ITGB7: variants seen among roughly 807,000 people sequenced by gnomAD.
The protein encoded by ITGB7 is integrin subunit beta 7, also known as integrin beta-7.
In ITGB7, 55 loss-of-function variants were observed where a neutral mutation model predicts 83.4. The ratio of observed to expected loss-of-function variants is 0.66; its 90% CI spans 0.53 to 0.83. The LOEUF (loss-of-function observed/expected upper bound fraction) is 0.83, where lower values mean the gene tolerates loss of function less well. Among genes scored for constraint, ITGB7 ranks in the 40% least tolerant of loss-of-function variants. The probability of loss-of-function intolerance (pLI) is 0.00; values close to 1 mark genes in which losing one functional copy is unlikely to be tolerated. For missense variants in ITGB7, 921 were observed against 1,046.7 expected, an observed-to-expected ratio of 0.88 and a Z score of 1.66; for synonymous variants, 454 against 423.6, an observed-to-expected ratio of 1.07 and a Z score of -0.88.
chr12:53,198,404 G>A (rs1942240133), intron 3 of ITGB7, among the ~76,000 whole-genome samples: 1 of 149,536 alleles, frequency 6.7e-6, no homozygotes, highest in Non-Finnish European at 1.5e-5. Context: ...GATTACAGAC[G>A]TGAACCACCA....
chr12:53,194,530 C>T, intron 9 of ITGB7, 186 bp from the exon 10 acceptor site: 1 of 581,790 alleles, frequency 1.7e-6, no homozygotes, highest in Non-Finnish European at 3.0e-6. Flanking sequence ...ATAGAACATA[C>T]AGGATCCAGA....
In ITGB7 at chr12:53,193,234, T is replaced by C. The variant is rs201186200; in HGVS notation, c.1632A>G (p.Gln544=). 6 of 1,614,116 alleles carry C rather than the reference T, an allele frequency of 3.7e-6. No homozygotes were observed. The highest frequency in any genetic ancestry group is 2.2e-5 in the East Asian group (1 of 44,876). ...GTCCACTGCAGCTGCAGCGTCCACATTGACAGTGACCCTTTCCACTGCACA... is the reference window on the plus strand; with the variant it reads ...GTCCACTGCAGCTGCAGCGTCCACACTGACAGTGACCCTTTCCACTGCACA... The part of the protein sequence containing the change: ...GPLCSGKGHC[Q]CGRCSCSGQS... Residue 544 remains glutamine, a synonymous_variant, in exon 12 of 16, where the codon CAA becomes CAG. Transcript: ENST00000267082.
At chr12:53,192,167 G>A (rs554543574) in intron 14 of ITGB7, 148 bp from the exon 15 acceptor site, 2 of 1,207,638 alleles carry the variant, frequency 1.7e-6, no homozygotes, top group East Asian at 5.0e-5. Context: ...TCACCGCCCA[G>A]GGCCTTAGCC....
chr12:53,193,350 G>A lies in ITGB7; in HGVS notation c.1516C>T (p.Arg506Cys), dbSNP rs1485144634. 5 of 1,585,618 alleles carry A rather than the reference G, an allele frequency of 3.2e-6. No homozygotes were observed. Among genetic ancestry groups the A allele is most frequent in the Middle Eastern group, 1.7e-4 (1 of 5,916 alleles). ...QCGVCSCAPGRLGRLCECSVA... is the reference protein window; with the variant it reads ...QCGVCSCAPGCLGRLCECSVA... ...GAGCACTCACAGAGCCGACCTAGGC[G>A]GCCAGGGGCACAGCTGGAAGGGGAA... Residue 506 changes from arginine (R) to cysteine (C), a missense_variant, in exon 12 of 16, where the codon CGC (arginine) becomes TGC (cysteine). Arg to Cys is a radical substitution (Grantham distance 180). Coordinates refer to ENST00000267082, the MANE Select transcript of ITGB7 (RefSeq NM_000889.3).
At position 53,198,832 on chromosome 12, in the gene ITGB7, G is replaced by A. The variant is rs74848696; in HGVS notation, c.202-881C>T. ...AAAGGATAAGAACAGAAGAGGAGGC[G>A]TCCTCCCCACCAATATGTCTGGTAT... On this transcript the variant is annotated intron_variant, in intron 3 of 15. Coordinates refer to ENST00000267082, the MANE Select transcript of ITGB7 (RefSeq NM_000889.3). Among the ~76,000 whole-genome samples the A allele has an allele frequency of 7.7e-4, 117 of 152,320 alleles. 4 individuals are homozygous for A. In the East Asian group the frequency reaches 0.02, roughly 26 times the overall value.
At chr12:53,193,582 A>C in intron 11 of ITGB7, 126 bp downstream of exon 11, 2 of 901,524 alleles carry the variant, frequency 2.2e-6, no homozygotes, top group East Asian at 2.7e-5. Flanking sequence ...CAAGGGATGA[A>C]ACTGAGTGGG....
In ITGB7 at chr12:53,193,159, A is replaced by C. The variant is rs777710205; in HGVS notation, c.1707T>G (p.His569Gln). 6.2e-7 allele frequency: 1 copy of C among 1,611,966 alleles called. No individual in the cohort carries two copies. The highest frequency in any genetic ancestry group is 8.5e-7 in the Non-Finnish European group (1 of 1,178,394). Residue 569 changes from histidine to glutamine, a missense_variant, in exon 12 of 16, where the codon CAT (histidine) becomes CAG (glutamine). Physicochemically the swap from His to Gln is conservative, Grantham distance 24. Coordinates refer to ENST00000267082, the MANE Select transcript of ITGB7 (RefSeq NM_000889.3). ...AGGTACCTCCGCAGAGGATGCCCTC[A>C]TGTCGCTCACAGCTGGCATCGTCAC... ...CECDDASCER[H>Q]EGILCGGFGR... is the part of the protein sequence containing the mutation.
At chr12:53,201,774 G>A (rs1451998024) in intron 1 of ITGB7, among the ~76,000 whole-genome samples, 1 of 152,104 alleles carries the variant, frequency 6.6e-6, no homozygotes, top group Admixed American at 6.5e-5. Context: ...TTGGCTGGTC[G>A]CAGTGGCTCA....
Position 53,192,345 on chromosome 12 carries a change from C to T in ITGB7, c.2140G>A (p.Val714Met). The T allele has an allele frequency of 6.2e-7, 1 of 1,614,120 alleles. No individual in the cohort carries two copies. The highest frequency in any genetic ancestry group is 8.5e-7 in the Non-Finnish European group (1 of 1,180,038). ...DDARGTVVLR[V>M]RPQEKGADHT... ...GCCCACTTACTTTCTTGGGGTCTCA[C>T]TCTGAGCACGACCGTGCCTCTGGCG... The change falls in exon 14 of 16, where the codon GTG (valine) becomes ATG (methionine). Residue 714 changes from valine to methionine, a missense_variant. Val to Met is a conservative substitution (Grantham distance 21). Coordinates refer to ENST00000267082, the MANE Select transcript of ITGB7 (RefSeq NM_000889.3).
chr12:53,203,043 C>A (rs980366405), intron 1 of ITGB7, among the ~76,000 whole-genome samples: 1 of 152,032 alleles, frequency 6.6e-6, no homozygotes, highest in African/African-American at 2.4e-5. Flanking sequence ...AGCTGTAATA[C>A]CAAAAGCACA....
chr12:53,191,909 G>A lies in ITGB7; in HGVS notation c.2266C>T (p.Arg756Trp), dbSNP rs370045431. The change falls in exon 15 of 16, where the codon CGG (arginine) becomes TGG (tryptophan). Residue 756 changes from arginine to tryptophan, a missense_variant. By Grantham distance (101) the Arg-to-Trp change is moderately radical. Coordinates refer to ENST00000267082, the MANE Select transcript of ITGB7 (RefSeq NM_000889.3). The stretch of plus-strand genomic sequence containing the variant: ...TCCTTCTCAAAGCGACTGTATTCCC[G>A]GCGGTCATAGATTTCCACCGAGAGC... ...YRLSVEIYDRREYSRFEKEQQ... is the reference protein window; with the variant it reads ...YRLSVEIYDRWEYSRFEKEQQ... The A allele has an allele frequency of 4.8e-5, 77 of 1,611,296 alleles. No homozygotes were observed. The highest frequency in any genetic ancestry group is 6.7e-5 in the African/African-American group (5 of 74,606).
intron 12 of ITGB7, 104 bp from the exon 13 acceptor site, chr12:53,193,014 A>G (rs944953374): frequency 3.6e-6 from 5 of 1,369,910 alleles, no homozygotes; most frequent in African/African-American, 2.9e-5. Context: ...AAGTATGCCA[A>G]CCACACCCTC....
At position 53,202,450 on chromosome 12, in the gene ITGB7, A is replaced by G. The variant is rs375999662; in HGVS notation, c.-126-1256T>C. On this transcript the variant is annotated intron_variant, in intron 1 of 15. Transcript: ENST00000267082. ...GCTCACTGCAACCTCTGCCTCCCAG[A>G]TTCAAGCAATTCTCTGGCCTCAGGC... 2.8e-4 allele frequency among the ~76,000 whole-genome samples: 42 copies of G among 152,076 alleles called. 1 individual carries two copies. Among genetic ancestry groups the G allele is most frequent in the African/African-American group, 9.6e-4 (40 of 41,534 alleles).
chr12:53,197,756 G>T lies in ITGB7; in HGVS notation c.397C>A (p.Arg133=). The part of the protein sequence containing the change: ...LAPQRVRVTL[R]PGEPQQLQVR... ...CCCGCCTCCCCTAACTCACCAGGCCGCAGCGTGACCCGGACCCGCTGCGGC... is the reference window on the plus strand; with the variant it reads ...CCCGCCTCCCCTAACTCACCAGGCCTCAGCGTGACCCGGACCCGCTGCGGC... The change falls in exon 4 of 16, where the codon CGG becomes AGG. Residue 133 remains arginine (R), a synonymous_variant. Transcript: ENST00000267082. 1 of 1,576,002 alleles carries T rather than the reference G, an allele frequency of 6.3e-7. No individual in the cohort carries two copies. The highest frequency in any genetic ancestry group is 8.6e-7 in the Non-Finnish European group (1 of 1,162,772).
chr12:53,194,498 G>GGA, intron 9 of ITGB7, 154 bp from the exon 10 acceptor site: 3 of 687,044 alleles, frequency 4.4e-6, no homozygotes, highest in Non-Finnish European at 7.4e-6. Context: ...ATTTCTGGAG[G>GGA]GAGGACCCGT....
chr12:53,197,746 T>C lies in ITGB7; in HGVS notation c.403+4A>G, dbSNP rs1942214558. 6.3e-7 allele frequency: 1 copy of C among 1,581,470 alleles called. No homozygotes were observed. Among genetic ancestry groups the C allele is most frequent in the Non-Finnish European group, 8.6e-7 (1 of 1,165,170 alleles). ...CTGGCCTGGCCCCGCCTCCCCTAAC[T>C]CACCAGGCCGCAGCGTGACCCGGAC... On this transcript the variant is annotated splice_donor_region_variant and intron_variant, in intron 4 of 15. Transcript: ENST00000267082.
chr12:53,202,430 C>T (rs1378653222), intron 1 of ITGB7, among the ~76,000 whole-genome samples: 2 of 152,112 alleles, frequency 1.3e-5, no homozygotes, highest in African/African-American at 4.8e-5. Context: ...TCTCAGCTCA[C>T]TGCAACCTCT....
At chr12:53,198,854 G>A (rs1357757388) in intron 3 of ITGB7, among the ~76,000 whole-genome samples, 1 of 152,202 alleles carries the variant, frequency 6.6e-6, no homozygotes, top group Non-Finnish European at 1.5e-5. Flanking sequence ...AATATGTCTG[G>A]TATCCCTGGG....
intron 3 of ITGB7, among the ~76,000 whole-genome samples, chr12:53,199,095 C>A (rs1239669901): frequency 6.6e-6 from 1 of 152,182 alleles, no homozygotes; most frequent in Non-Finnish European, 1.5e-5. Context: ...GTGCCTTTCT[C>A]CTGGGTCCTC....
Sources: gnomAD v4.1 joint callset for allele counts (sites outside exome capture counted in the v4.1 genomes callset) on GRCh38, gnomAD v4.1.1 for gene constraint, MANE v1.5 for transcripts, NCBI Gene and HGNC (gene_info 2026-07-23, HGNC 2026-07-21) for gene names.